Variants in WNT3 observed in about 807,000 individuals in gnomAD.
The protein encoded by WNT3 is proto-oncogene Wnt-3.
In WNT3, 7 loss-of-function variants were observed where a neutral mutation model predicts 34.2. The ratio of observed to expected loss-of-function variants is 0.20; its 90% CI spans 0.12 to 0.38. WNT3 has a LOEUF of 0.38. WNT3 is among the 10% of genes least tolerant of loss of function. The probability of loss-of-function intolerance (pLI) is 1.00; values close to 1 mark genes in which losing one functional copy is unlikely to be tolerated. For missense variants in WNT3, 267 were observed against 499.8 expected, an observed-to-expected ratio of 0.53 and a Z score of 4.44; for synonymous variants, 212 against 211.5, an observed-to-expected ratio of 1.00 and a Z score of -0.02.
At chr17:46,783,217 A>G (rs2059476739) in intron 1 of WNT3, among the ~76,000 whole-genome samples, 1 of 152,200 alleles carries the variant, frequency 6.6e-6, no homozygotes, top group Admixed American at 6.5e-5. Context: ...AGGTCTTGAG[A>G]TAAAACCATG....
intron 3 of WNT3, among the ~76,000 whole-genome samples, chr17:46,769,552 T>C (rs1277656283): frequency 6.6e-6 from 1 of 151,960 alleles, no homozygotes. Context: ...GTGGCCATGC[T>C]CCCAGGCCGA....
At chr17:46,816,514 CA>C (rs2084351916) in intron 1 of WNT3, among the ~76,000 whole-genome samples, 1 of 141,636 alleles carries the variant, frequency 7.1e-6, no homozygotes, top group Non-Finnish European at 1.5e-5. Context: ...CACACACACA[CA>C]CCTCTCTCCT....
chr17:46,773,565 C>G, intron 2 of WNT3, 103 bp downstream of exon 2: 6 of 1,332,184 alleles, frequency 4.5e-6, no homozygotes, highest in Non-Finnish European at 6.1e-6. Context: ...CCAGAGGGAC[C>G]CTGGCTTCAG....
chr17:46,792,367 A>G (rs559037093), intron 1 of WNT3, among the ~76,000 whole-genome samples: 9 of 152,328 alleles, frequency 5.9e-5, no homozygotes, highest in Non-Finnish European at 8.8e-5. Flanking sequence ...GGGTACATTT[A>G]TTTGGGTAGA....
intron 1 of WNT3, among the ~76,000 whole-genome samples, chr17:46,803,207 C>G (rs577442551): frequency 2.6e-5 from 4 of 152,354 alleles, no homozygotes; most frequent in Admixed American, 2.6e-4. Context: ...AGAGGAAAGA[C>G]AGTTTACGTC....
At chr17:46,815,679 C>T (rs748255998) in intron 1 of WNT3, among the ~76,000 whole-genome samples, 7 of 152,116 alleles carry the variant, frequency 4.6e-5, no homozygotes, top group Non-Finnish European at 1.0e-4. Context: ...GAAAAACAAC[C>T]TCAGAGAGAA....
rs2059292692 is a variant in WNT3, at chr17:46,764,055, A to C, written c.*575T>G. 6.6e-6 allele frequency: 1 copy of C among 152,168 alleles called. No individual in the cohort carries two copies. Among genetic ancestry groups the C allele is most frequent in the South Asian group, 2.1e-4 (1 of 4,834 alleles). The allele number at this position is 152,168 out of a possible 1,614,324, so 9.4% of individuals were successfully genotyped here. On this transcript the variant is annotated 3_prime_UTR_variant, in exon 5 of 5. Coordinates refer to ENST00000225512, the MANE Select transcript of WNT3 (RefSeq NM_030753.5). ...AATCCTACTCTAACAACTGCCACGG[A>C]CCTTCCTACCACTTCATCCTAGCTA... is the stretch of plus-strand genomic sequence containing the variant.
At chr17:46,779,053 T>TCTCACACACACA (rs1310974235) in intron 1 of WNT3, among the ~76,000 whole-genome samples, 55 of 100,666 alleles carry the variant, frequency 5.5e-4, no homozygotes, top group African/African-American at 1.4e-3. Flanking sequence ...CCCTACCCCA[T>TCTCACACACACA]CACACACACA....
rs555029753 is a variant in WNT3 at position 46,772,763 on chromosome 17, C to T, written c.322+905G>A. On this transcript the variant is annotated intron_variant, in intron 2 of 4. Coordinates refer to ENST00000225512, the MANE Select transcript of WNT3 (RefSeq NM_030753.5). ...ACTCTAAAATGGGGGTTGTCAGCTTCCCCCCCAACCCCACCCAGCACCCCA... is the reference window on the plus strand; with the variant it reads ...ACTCTAAAATGGGGGTTGTCAGCTTTCCCCCCAACCCCACCCAGCACCCCA... Among the ~76,000 whole-genome samples, 3 of 150,780 alleles carry T rather than the reference C, an allele frequency of 2.0e-5. No homozygotes were observed. In the South Asian group the frequency reaches 6.3e-4, roughly 32 times the overall value.
At position 46,788,842 on chromosome 17, in the gene WNT3, G is replaced by A. The variant is rs988772298; in HGVS notation, c.81-14933C>T. Among the ~76,000 whole-genome samples the A allele has an allele frequency of 3.9e-5, 6 of 152,184 alleles. No homozygotes were observed. In the South Asian group the frequency reaches 6.2e-4, roughly 16 times the overall value. On this transcript the variant is annotated intron_variant, in intron 1 of 4. Coordinates refer to ENST00000225512, the MANE Select transcript of WNT3 (RefSeq NM_030753.5). ...TCGTCTCTCCCAGATCCCACAGGCTGTCTCCACGGCGAGCTGAGGGCAGGT... is the reference window on the plus strand; with the variant it reads ...TCGTCTCTCCCAGATCCCACAGGCTATCTCCACGGCGAGCTGAGGGCAGGT...
At chr17:46,779,539 G>A (rs559661674) in intron 1 of WNT3, among the ~76,000 whole-genome samples, 48 of 152,326 alleles carry the variant, frequency 3.2e-4, no homozygotes, top group African/African-American at 1.1e-3. Context: ...GCAGCCAGGC[G>A]GATGGGCTGC....
chr17:46,769,338 GAAA>G (rs898521707), intron 3 of WNT3, among the ~76,000 whole-genome samples: 1 of 149,900 alleles, frequency 6.7e-6, no homozygotes, highest in Non-Finnish European at 1.5e-5. Context: ...AAAAAGAAAA[GAAA>G]AAGAAAAAAG....
At chr17:46,789,118 T>TG (rs2083945872) in intron 1 of WNT3, among the ~76,000 whole-genome samples, 1 of 152,186 alleles carries the variant, frequency 6.6e-6, no homozygotes, top group Admixed American at 6.5e-5. Context: ...GCACAGTGCG[T>TG]GGGGCACTCC....
intron 1 of WNT3, among the ~76,000 whole-genome samples, chr17:46,814,575 C>T (rs1012097763): frequency 1.3e-5 from 2 of 152,114 alleles, no homozygotes; most frequent in Admixed American, 1.3e-4. Flanking sequence ...CTGGTATCTG[C>T]CCATCTGTCT....
chr17:46,794,633 T>G (rs2084029197), intron 1 of WNT3, among the ~76,000 whole-genome samples: 1 of 152,122 alleles, frequency 6.6e-6, no homozygotes. Flanking sequence ...CCAGTCAAAC[T>G]TTCGACAGTC....
chr17:46,773,887 A>G lies in WNT3; in HGVS notation c.103T>C (p.Tyr35His), dbSNP rs939897615. 3 of 1,612,072 alleles carry G rather than the reference A, an allele frequency of 1.9e-6. No homozygotes were observed. The highest frequency in any genetic ancestry group is 2.7e-5 in the African/African-American group (2 of 74,898). ...AGGGGCTGTGAGCCCAGAGATGTGT[A>G]CTGCTGGCCCAGGGCCAGGGACCTG... ...IWWSLALGQQ[Y>H]TSLGSQPLLC... The change falls in exon 2 of 5, where the codon TAC (tyrosine) becomes CAC (histidine). Residue 35 changes from tyrosine (Y) to histidine (H), a missense_variant. Physicochemically the swap from Tyr to His is moderately conservative, Grantham distance 83 (BLOSUM62 2). Transcript: ENST00000225512.
chr17:46,783,032 T>C (rs1376626334), intron 1 of WNT3, among the ~76,000 whole-genome samples: 1 of 152,178 alleles, frequency 6.6e-6, no homozygotes, highest in Admixed American at 6.5e-5. Context: ...GGGACATGTC[T>C]CTGGGCCTTG....
At chr17:46,773,994 G>A (rs1014199948) in intron 1 of WNT3, 85 bp from the exon 2 acceptor site, 71 of 1,538,040 alleles carry the variant, frequency 4.6e-5, no homozygotes, top group African/African-American at 2.0e-4. Context: ...TGAACCCTCC[G>A]GGGTAGGTGG....
chr17:46,783,651 G>A lies in WNT3; in HGVS notation c.81-9742C>T, dbSNP rs542266914. ...CAGAGGGTGCACGGTCAGGGCGAGC[G>A]ATCTCTAGGAACGGGGGCAAGTGTG... On this transcript the variant is annotated intron_variant, in intron 1 of 4. Coordinates refer to ENST00000225512, the MANE Select transcript of WNT3 (RefSeq NM_030753.5). 5.3e-5 allele frequency among the ~76,000 whole-genome samples: 8 copies of A among 152,294 alleles called. No homozygotes were observed. In the East Asian group the frequency reaches 9.7e-4, roughly 18 times the overall value.
Sources: allele counts gnomAD v4.1 joint callset (sites outside exome capture counted in the v4.1 genomes callset), GRCh38; gene constraint gnomAD v4.1.1; transcripts MANE v1.5; gene names NCBI Gene and HGNC (gene_info 2026-07-23, HGNC 2026-07-21).